The following YWHAE variants were observed in gnomAD, a reference collection of about 807,000 sequenced individuals.
YWHAE encodes the protein 14-3-3 protein epsilon.
A neutral mutation model predicts 30.1 loss-of-function variants in YWHAE; 4 were observed. That is an observed-to-expected ratio of 0.13 (90% CI 0.07 to 0.30). YWHAE has a LOEUF of 0.30. Among genes scored for constraint, YWHAE ranks in the 10% least tolerant of loss-of-function variants. The pLI is 1.00. For synonymous variants in YWHAE, 118 were observed against 111.8 expected, an observed-to-expected ratio of 1.06 and a Z score of -0.35; for missense variants, 121 against 315.9, an observed-to-expected ratio of 0.38 and a Z score of 4.68.
chr17:1,355,302 G>T (rs1036170228), intron 4 of YWHAE, among the ~76,000 whole-genome samples: 2 of 150,014 alleles, frequency 1.3e-5, no homozygotes. Context: ...GACTACAGGC[G>T]CCCGCCACCA....
chr17:1,365,192 CTAA>C lies in YWHAE; in HGVS notation c.65-137_65-135del. 2.9e-6 allele frequency: 3 copies of C among 1,044,892 alleles called. No individual in the cohort carries two copies. The South Asian group carries it at 5.1e-5, about 18-fold the overall frequency. 64.7% of individuals were successfully genotyped at this position (1,044,892 alleles called of 1,614,324 possible). On this transcript the variant is annotated intron_variant, in intron 1 of 5. Transcript: ENST00000264335. ...AAAAATAATTTCATAATCATCAAAA[CTAA>C]TATGAGTAAAAAGCCAAAAACATGT...
At position 1,355,198 on chromosome 17, in the gene YWHAE, C is replaced by A. The variant is rs2072719781; in HGVS notation, c.579-851G>T. The stretch of plus-strand genomic sequence containing the variant: ...GGGGGACGGGGTCTCGCTCTATCAC[C>A]CAGGCTGGAGTGCAGTGGCGGGATG... On this transcript the variant is annotated intron_variant, in intron 4 of 5. Transcript: ENST00000264335. 2.3e-5 allele frequency among the ~76,000 whole-genome samples: 3 copies of A among 128,768 alleles called. No homozygotes were observed. In the Admixed American group the frequency reaches 2.5e-4, roughly 11 times the overall value. The allele number at this position is 128,768 out of a possible 152,430, so 84.5% of individuals were successfully genotyped here.
At chr17:1,383,913 T>C (rs977977148) in intron 1 of YWHAE, among the ~76,000 whole-genome samples, 2 of 151,834 alleles carry the variant, frequency 1.3e-5, no homozygotes, top group Non-Finnish European at 2.9e-5. Flanking sequence ...TTTAAAAAAT[T>C]AGCCGAAGAG....
intron 1 of YWHAE, among the ~76,000 whole-genome samples, chr17:1,380,890 G>A (rs930346727): frequency 9.9e-5 from 15 of 151,940 alleles, no homozygotes; most frequent in African/African-American, 2.2e-4. Context: ...AGTTTTCCCC[G>A]ACAACTGCAG....
intron 2 of YWHAE, 172 bp downstream of exon 2, chr17:1,364,687 C>G (rs1567965904): frequency 1.2e-6 from 1 of 813,616 alleles, no homozygotes; most frequent in Non-Finnish European, 1.9e-6. Flanking sequence ...TGCATAGCCA[C>G]GGGTAAGTTT....
chr17:1,381,145 G>C (rs1285767986), intron 1 of YWHAE, among the ~76,000 whole-genome samples: 3 of 152,186 alleles, frequency 2.0e-5, no homozygotes, highest in African/African-American at 7.2e-5. Flanking sequence ...AGAACTTCGG[G>C]AGGCTAACAA....
intron 1 of YWHAE, among the ~76,000 whole-genome samples, chr17:1,387,999 C>T (rs1396982981): frequency 6.8e-6 from 1 of 146,908 alleles, no homozygotes; most frequent in Non-Finnish European, 1.5e-5. Flanking sequence ...TATCTCGGCT[C>T]ACTGCAACCT....
chr17:1,384,183 G>C lies in YWHAE; in HGVS notation c.64+15864C>G, dbSNP rs189298838. Among the ~76,000 whole-genome samples, 473 of 152,230 alleles carry C rather than the reference G, an allele frequency of 3.1e-3. 4 individuals carry two copies. The highest frequency in any genetic ancestry group is 5.2e-3 in the Non-Finnish European group (355 of 68,022). ...CCAGCCACTGCTCTCCAGCATGGGA[G>C]AAAGAGCAAGACCCTGTCTCAAAAA... On this transcript the variant is annotated intron_variant, in intron 1 of 5. Transcript: ENST00000264335.
At chr17:1,355,115 TTAAAAAAAAAAAAAAAAA>T (rs1281795053) in intron 4 of YWHAE, among the ~76,000 whole-genome samples, 2 of 72,376 alleles carry the variant, frequency 2.8e-5, no homozygotes, top group South Asian at 5.5e-4. Context: ...CCAAGATTTT[TTAAAAAAAAAAAAAAAAA>T]AAAAAAAAAA....
chr17:1,349,616 GAT>G (rs1491116401), intron 5 of YWHAE, among the ~76,000 whole-genome samples: 2 of 128,514 alleles, frequency 1.6e-5, no homozygotes, highest in East Asian at 4.5e-4. Flanking sequence ...AATTTCACTA[GAT>G]TTTTTTTTTT....
intron 4 of YWHAE, among the ~76,000 whole-genome samples, chr17:1,355,148 ATT>A (rs1271496520): frequency 7.8e-5 from 6 of 76,796 alleles, no homozygotes; most frequent in African/African-American, 2.7e-4. Context: ...AAAAAAAAAA[ATT>A]TTTTTTTTTT....
chr17:1,344,612 T>C lies in YWHAE; in HGVS notation c.*835A>G. 2 of 228,354 alleles carry C rather than the reference T, an allele frequency of 8.8e-6. No homozygotes were observed. Among genetic ancestry groups the C allele is most frequent in the Non-Finnish European group, 1.7e-5 (2 of 114,674 alleles). 14.1% of individuals were successfully genotyped at this position (228,354 alleles called of 1,614,324 possible). On this transcript the variant is annotated 3_prime_UTR_variant, in exon 6 of 6. Coordinates refer to ENST00000264335, the MANE Select transcript of YWHAE (RefSeq NM_006761.5). ...CCATGCTGTGTTTCAGTAAGAACAA[T>C]ACAGATTCTGTATCTGTGGCTCCAG... is the stretch of plus-strand genomic sequence containing the variant.
At chr17:1,399,591 G>A (rs1232475090) in intron 1 of YWHAE, 6 of 195,090 alleles carry the variant, frequency 3.1e-5, no homozygotes, top group Non-Finnish European at 6.5e-5. Flanking sequence ...TTCCCTGAAA[G>A]GCGCCCGCGC....
At chr17:1,353,640 G>A (rs966936937) in intron 5 of YWHAE, among the ~76,000 whole-genome samples, 1 of 151,602 alleles carries the variant, frequency 6.6e-6, no homozygotes, top group Non-Finnish European at 1.5e-5. Flanking sequence ...ACGGGTGCCT[G>A]CAACCCCAGC....
intron 4 of YWHAE, among the ~76,000 whole-genome samples, chr17:1,359,811 GTTGTGT>G (rs1245867628): frequency 3.1e-5 from 3 of 96,412 alleles, no homozygotes; most frequent in Non-Finnish European, 5.9e-5. Flanking sequence ...CCACTAAATT[GTTGTGT>G]GTGTGTGTGT....
At chr17:1,382,193 C>T (rs796330527) in intron 1 of YWHAE, among the ~76,000 whole-genome samples, 1 of 151,684 alleles carries the variant, frequency 6.6e-6, no homozygotes, top group African/African-American at 2.4e-5. Flanking sequence ...GGACTTCAGG[C>T]GCCCACCACC....
chr17:1,390,231 A>G (rs1007144652), intron 1 of YWHAE, among the ~76,000 whole-genome samples: 3 of 152,224 alleles, frequency 2.0e-5, no homozygotes, highest in African/African-American at 7.2e-5. Context: ...TTAATCTAAA[A>G]TTAATATCAA....
At chr17:1,374,741 T>G (rs117245455) in intron 1 of YWHAE, among the ~76,000 whole-genome samples, 2,066 of 152,326 alleles carry the variant, frequency 0.014, 18 homozygotes, top group Non-Finnish European at 0.021. Context: ...TGGAGAAATA[T>G]CTATTCAAAC....
intron 1 of YWHAE, among the ~76,000 whole-genome samples, chr17:1,388,840 CA>C (rs2073347451): frequency 6.6e-6 from 1 of 152,172 alleles, no homozygotes; most frequent in Non-Finnish European, 1.5e-5. Context: ...AACTGTCATA[CA>C]ACAGTGACAA....
Sources: allele counts gnomAD v4.1 joint callset (sites outside exome capture counted in the v4.1 genomes callset), GRCh38; gene constraint gnomAD v4.1.1; transcripts MANE v1.5; gene names NCBI Gene and HGNC (gene_info 2026-07-23, HGNC 2026-07-21).